DBX2: variants seen among roughly 807,000 people sequenced by gnomAD.
DBX2 encodes developing brain homeobox 2, also known as homeobox protein DBX2.
A neutral mutation model predicts 17.7 loss-of-function variants in DBX2; 16 were observed. That is an observed-to-expected ratio of 0.90 (90% CI 0.61 to 1.37). DBX2 has a LOEUF of 1.37. Ranked by LOEUF, DBX2 falls within the 40% of genes most tolerant of loss-of-function variation. DBX2 has a pLI of 0.00. For synonymous variants in DBX2, 255 were observed against 183.8 expected (o/e 1.39, Z -3.13); for missense variants, 538 against 433.8 (o/e 1.24, Z -2.13).
chr12:45,044,268 T>C (rs1946487316), intron 1 of DBX2, among the ~76,000 whole-genome samples: 1 of 152,186 alleles, frequency 6.6e-6, no homozygotes, highest in African/African-American at 2.4e-5. Context: ...ACAAAACTTG[T>C]TCAATAGACC....
intron 3 of DBX2, among the ~76,000 whole-genome samples, chr12:45,022,301 T>TTG (rs1946356914): frequency 7.5e-6 from 1 of 132,806 alleles, no homozygotes; most frequent in African/African-American, 2.8e-5. Context: ...AATAACTGTT[T>TTG]TTTTTTTTTT....
intron 1 of DBX2, among the ~76,000 whole-genome samples, chr12:45,049,312 T>G (rs1479937641): frequency 6.6e-6 from 1 of 152,234 alleles, no homozygotes; most frequent in Admixed American, 6.5e-5. Context: ...TTATGCCTAA[T>G]TTTTCTAATA....
In DBX2 at chr12:45,050,636, G is replaced by C. The variant is rs200605636; in HGVS notation, c.292C>G (p.Pro98Ala). ...AAEQVSPAGAPYGTRWAFQVL... is the reference protein window; with the variant it reads ...AAEQVSPAGAAYGTRWAFQVL... The stretch of plus-strand genomic sequence containing the variant: ...TGAAAAGCCCACCGCGTTCCGTAGG[G>C]CGCCCCGGCGGGGCTAACTTGTTCG... Residue 98 changes from proline to alanine, a missense_variant, in exon 1 of 4, where the codon CCC becomes GCC. By Grantham distance (27) the Pro-to-Ala change is conservative. Coordinates refer to ENST00000332700, the MANE Select transcript of DBX2 (RefSeq NM_001004329.3). 4.5e-6 allele frequency: 7 copies of C among 1,550,076 alleles called. No homozygotes were observed. Among genetic ancestry groups the C allele is most frequent in the Non-Finnish European group, 5.2e-6 (6 of 1,147,006 alleles).
intron 3 of DBX2, among the ~76,000 whole-genome samples, chr12:45,021,686 C>T (rs1320250266): frequency 6.6e-6 from 1 of 152,224 alleles, no homozygotes; most frequent in African/African-American, 2.4e-5. Context: ...CCAACAGCTC[C>T]TCTGAGATCA....
chr12:45,050,682 G>A lies in DBX2; in HGVS notation c.246C>T (p.Pro82=). 1.3e-6 allele frequency: 2 copies of A among 1,545,020 alleles called. No individual in the cohort carries two copies. The highest frequency in any genetic ancestry group is 1.7e-6 in the Non-Finnish European group (2 of 1,145,052). The change falls in exon 1 of 4, where the codon CCC becomes CCT. Residue 82 remains proline, a synonymous_variant. Coordinates refer to ENST00000332700, the MANE Select transcript of DBX2 (RefSeq NM_001004329.3). ...GTTCGGCTGCGGGGCACAGCTTTAGGGGAACTGGGCTAGCAGGCAGGGGCC... is the reference window on the plus strand; with the variant it reads ...GTTCGGCTGCGGGGCACAGCTTTAGAGGAACTGGGCTAGCAGGCAGGGGCC... The part of the protein sequence containing the change: ...QLRPLPASPV[P]LKLCPAAEQV...
chr12:45,031,221 T>TGAGAGA (rs775544316), intron 2 of DBX2, among the ~76,000 whole-genome samples: 18 of 64,088 alleles, frequency 2.8e-4, no homozygotes, highest in Middle Eastern at 6.9e-3. Flanking sequence ...TGTGTGTGTG[T>TGAGAGA]GTGTGAGAGA....
At chr12:45,045,140 CT>C (rs1234545315) in intron 1 of DBX2, among the ~76,000 whole-genome samples, 2 of 152,060 alleles carry the variant, frequency 1.3e-5, no homozygotes, top group African/African-American at 4.8e-5. Flanking sequence ...TACAACTTGC[CT>C]TTTTATTCCT....
chr12:45,023,069 G>A (rs1946362144), intron 3 of DBX2, among the ~76,000 whole-genome samples: 1 of 152,300 alleles, frequency 6.6e-6, no homozygotes, highest in East Asian at 1.9e-4. Context: ...GATATTATTT[G>A]TAATAAGTAG....
At position 45,023,789 on chromosome 12, in the gene DBX2, T is replaced by C. The variant is rs773971889; in HGVS notation, c.605A>G (p.Glu202Gly). ...ATATTTCTGTTTCTGAAACATTTTC[T>C]CCAGAGCCTTTCTCTGGTCCTCAGA... ...VFSEDQRKAL[E>G]KMFQKQKYIS... is the part of the protein sequence containing the mutation. The change falls in exon 3 of 4, where the codon GAG (glutamate) becomes GGG (glycine). Residue 202 changes from glutamate (E) to glycine (G), a missense_variant. Coordinates refer to ENST00000332700, the MANE Select transcript of DBX2 (RefSeq NM_001004329.3). 7.4e-6 allele frequency: 12 copies of C among 1,613,914 alleles called. No individual in the cohort carries two copies. Among genetic ancestry groups the C allele is most frequent in the Non-Finnish European group, 2.5e-6 (3 of 1,179,934 alleles).
intron 2 of DBX2, among the ~76,000 whole-genome samples, chr12:45,029,718 C>T (rs1030366214): frequency 2.0e-5 from 3 of 151,748 alleles, no homozygotes; most frequent in South Asian, 4.2e-4. Flanking sequence ...CCAAAATTAG[C>T]CAGGTGTGGC....
In DBX2 at chr12:45,023,735, G is replaced by A. The variant is rs1237960474; in HGVS notation, c.659C>T (p.Ala220Val). The A allele has an allele frequency of 1.2e-6, 2 of 1,613,852 alleles. No individual in the cohort carries two copies. Among genetic ancestry groups the A allele is most frequent in the Non-Finnish European group, 1.7e-6 (2 of 1,179,980 alleles). The part of the protein sequence containing the change: ...YISKTDRKKL[A>V]INLGLKESQV... ...TGATTCCTTTAGTCCCAAGTTGATG[G>A]CAAGTTTCTTTCGGTCTGTTTTGCT... The change falls in exon 3 of 4, where the codon GCC becomes GTC. Residue 220 changes from alanine (A) to valine (V), a missense_variant. Physicochemically the swap from Ala to Val is moderately conservative, Grantham distance 64. Transcript: ENST00000332700.
At chr12:45,022,428 C>G (rs2731043) in intron 3 of DBX2, among the ~76,000 whole-genome samples, 164 of 150,558 alleles carry the variant, frequency 1.1e-3, no homozygotes, top group African/African-American at 3.7e-3. Flanking sequence ...CTCAGCCTCC[C>G]GAGTAGCTGG....
At chr12:45,022,229 C>G (rs1323871424) in intron 3 of DBX2, among the ~76,000 whole-genome samples, 1 of 148,100 alleles carries the variant, frequency 6.8e-6, no homozygotes, top group Non-Finnish European at 1.5e-5. Flanking sequence ...TACTACTTGA[C>G]AAAGTTGGGG....
At position 45,050,890 on chromosome 12, in the gene DBX2, T is replaced by G; in HGVS notation, c.38A>C (p.Tyr13Ser). The change falls in exon 1 of 4, where the codon TAC (tyrosine) becomes TCC (serine). Residue 13 changes from tyrosine to serine, a missense_variant. Physicochemically the swap from Tyr to Ser is moderately radical, Grantham distance 144. Transcript: ENST00000332700. ...CGCGGAGGAAGCCACAACGTCCCAG[T>G]ACGCACCGGCGTGGGCTGCGACCGC... is the stretch of plus-strand genomic sequence containing the variant. ...PSAVAAHAGA[Y>S]WDVVASSALL... 6.6e-7 allele frequency: 1 copy of G among 1,522,472 alleles called. No homozygotes were observed. The highest frequency in any genetic ancestry group is 8.8e-7 in the Non-Finnish European group (1 of 1,137,784). The allele number at this position is 1,522,472 out of a possible 1,614,324, so 94.3% of individuals were successfully genotyped here. A position where few individuals can be genotyped will look rare whatever the true frequency, so the allele number is the denominator to read the frequency against.
rs1408255636 is a variant in DBX2 at position 45,050,670 on chromosome 12, G to A, written c.258C>T (p.Cys86=). 1 of 1,548,534 alleles carries A rather than the reference G, an allele frequency of 6.5e-7. No individual in the cohort carries two copies. The highest frequency in any genetic ancestry group is 2.0e-5 in the Admixed American group (1 of 51,000). Residue 86 remains cysteine (C), a synonymous_variant, in exon 1 of 4, where the codon TGC becomes TGT. Transcript: ENST00000332700. ...CGGGGCTAACTTGTTCGGCTGCGGG[G>A]CACAGCTTTAGGGGAACTGGGCTAG... ...LPASPVPLKL[C]PAAEQVSPAG... is the part of the protein sequence containing the mutation.
At chr12:45,035,640 T>G (rs1334290610) in intron 2 of DBX2, among the ~76,000 whole-genome samples, 1 of 152,230 alleles carries the variant, frequency 6.6e-6, no homozygotes, top group Non-Finnish European at 1.5e-5. Flanking sequence ...TGTTACATTT[T>G]AAGTGGAATG....
rs1235793170 is a variant in DBX2, at chr12:45,016,040, C to A, written c.*246G>T. The stretch of plus-strand genomic sequence containing the variant: ...ACACATACTCAGAGCAGGGACCGAG[C>A]CAGCTGTTGCTCTCCTTCTTTTCAG... On this transcript the variant is annotated 3_prime_UTR_variant, in exon 4 of 4. Transcript: ENST00000332700. The A allele has an allele frequency of 2.6e-6, 1 of 377,366 alleles. No homozygotes were observed. The highest frequency in any genetic ancestry group is 4.4e-5 in the East Asian group (1 of 22,640). 23.4% of individuals were successfully genotyped at this position (377,366 alleles called of 1,614,324 possible). A position where few individuals can be genotyped will look rare whatever the true frequency, so the allele number is the denominator to read the frequency against.
intron 2 of DBX2, among the ~76,000 whole-genome samples, chr12:45,025,926 C>T (rs1393206346): frequency 6.6e-6 from 1 of 151,162 alleles, no homozygotes; most frequent in African/African-American, 2.4e-5. Flanking sequence ...GGAATAAAGT[C>T]TATCCAAGGA....
chr12:45,045,039 TAA>T (rs1434283299), intron 1 of DBX2, among the ~76,000 whole-genome samples: 2 of 152,294 alleles, frequency 1.3e-5, no homozygotes, highest in African/African-American at 2.4e-5. Context: ...AATTTCTTAC[TAA>T]GAGAGTATAA....
Sources: allele counts gnomAD v4.1 joint callset (sites outside exome capture counted in the v4.1 genomes callset), GRCh38; gene constraint gnomAD v4.1.1; transcripts MANE v1.5; gene names NCBI Gene and HGNC (gene_info 2026-07-23, HGNC 2026-07-21).